FRAS1: variants seen among roughly 807,000 people sequenced by gnomAD.
FRAS1 encodes extracellular matrix organizing protein FRAS1.
In FRAS1, 290 loss-of-function variants were observed where a neutral mutation model predicts 435.2. The observed-to-expected ratio is 0.67, with a 90% confidence interval of 0.61 to 0.73. The LOEUF (loss-of-function observed/expected upper bound fraction) is 0.73. Among genes scored for constraint, FRAS1 ranks in the 30% least tolerant of loss-of-function variants. The pLI is 0.00. For missense variants in FRAS1, 4,860 were observed against 5,001.5 expected (o/e 0.97, Z 0.85); for synonymous variants, 1,800 against 1,851.0 (o/e 0.97, Z 0.71).
chr4:78,311,811 TTGAGTA>T (rs1404532358), intron 15 of FRAS1, among the ~76,000 whole-genome samples: 1 of 152,214 alleles, frequency 6.6e-6, no homozygotes. Context: ...ATTAATGAGT[TTGAGTA>T]TATCTTCAAC....
rs1173361879 is a variant in FRAS1 at position 78,496,898 on chromosome 4, T to C, written c.9052T>C (p.Trp3018Arg). ...CCTCGGCCTTCCTCTTGGAAACCAC[T>C]GGAGTGGAGCTAGAATTGGAAAGAA... is the stretch of plus-strand genomic sequence containing the variant. ...VYLGLPLGNH[W>R]SGARIGKNNM... Residue 3018 changes from tryptophan to arginine, a missense_variant, in exon 60 of 74, where the codon TGG (tryptophan) becomes CGG (arginine). Transcript: ENST00000512123. 1 of 1,613,610 alleles carries C rather than the reference T, an allele frequency of 6.2e-7. No homozygotes were observed. The highest frequency in any genetic ancestry group is 1.3e-5 in the African/African-American group (1 of 74,904).
At chr4:78,186,666 A>G (rs1057040839) in intron 2 of FRAS1, among the ~76,000 whole-genome samples, 1 of 152,220 alleles carries the variant, frequency 6.6e-6, no homozygotes, top group Admixed American at 6.5e-5. Context: ...GTATTCTTCA[A>G]TGATTTCCCA....
intron 9 of FRAS1, among the ~76,000 whole-genome samples, chr4:78,270,614 T>C (rs1726628183): frequency 6.8e-6 from 1 of 146,310 alleles, no homozygotes. Flanking sequence ...GAGTCACTTT[T>C]CAGTTTTGTC....
chr4:78,099,736 A>G (rs928740271), intron 2 of FRAS1, among the ~76,000 whole-genome samples: 2 of 152,154 alleles, frequency 1.3e-5, no homozygotes, highest in African/African-American at 2.4e-5. Context: ...GTGGAGGGGA[A>G]TTCTTGGTTT....
chr4:78,181,469 A>G (rs1266978060), intron 2 of FRAS1: 5 of 1,611,688 alleles, frequency 3.1e-6, no homozygotes, highest in Middle Eastern at 2.2e-4. Context: ...ATGCCTATCA[A>G]ATTCACGTTT....
chr4:78,064,218 TAAATA>T (rs1739886629), intron 1 of FRAS1, among the ~76,000 whole-genome samples: 2 of 150,586 alleles, frequency 1.3e-5, no homozygotes, highest in African/African-American at 2.4e-5. Context: ...AATAAATAAA[TAAATA>T]AAATAAAAAA....
At chr4:78,196,016 A>G (rs1294656667) in intron 2 of FRAS1, among the ~76,000 whole-genome samples, 4 of 144,216 alleles carry the variant, frequency 2.8e-5, no homozygotes, top group Non-Finnish European at 6.1e-5. Context: ...TTATGTTTTA[A>G]TTTTTGTTTG....
chr4:78,477,320 C>A (rs183399039), intron 54 of FRAS1, among the ~76,000 whole-genome samples: 2 of 152,244 alleles, frequency 1.3e-5, no homozygotes, highest in Admixed American at 1.3e-4. Context: ...TTAGTCCTCC[C>A]AAGAAGCGTA....
At chr4:78,429,309 C>T (rs1326855935) in intron 36 of FRAS1, 83 bp downstream of exon 36, 1 of 1,461,016 alleles carries the variant, frequency 6.8e-7, no homozygotes, top group Non-Finnish European at 9.1e-7. Flanking sequence ...TGATGGTTGC[C>T]AAAAAAGCAA....
intron 20 of FRAS1, among the ~76,000 whole-genome samples, chr4:78,359,200 A>G (rs1730978818): frequency 1.3e-5 from 2 of 152,108 alleles, no homozygotes; most frequent in African/African-American, 4.8e-5. Context: ...TTGTACCTGA[A>G]GCCTGCTCAC....
At chr4:78,178,714 C>G (rs1416762583) in intron 2 of FRAS1, among the ~76,000 whole-genome samples, 2 of 152,178 alleles carry the variant, frequency 1.3e-5, no homozygotes, top group Non-Finnish European at 2.9e-5. Context: ...TTTGCCCCTG[C>G]TCTCAGCCAG....
intron 2 of FRAS1, among the ~76,000 whole-genome samples, chr4:78,165,794 A>G (rs766433358): frequency 6.6e-6 from 1 of 152,116 alleles, no homozygotes; most frequent in Non-Finnish European, 1.5e-5. Flanking sequence ...AGAGCATTAC[A>G]TGTTTTTTAT....
At chr4:78,209,827 G>A (rs1047856884) in intron 2 of FRAS1, among the ~76,000 whole-genome samples, 7 of 152,122 alleles carry the variant, frequency 4.6e-5, no homozygotes, top group African/African-American at 7.2e-5. Context: ...CAAGTAAATC[G>A]TCAAGGAGGC....
At chr4:78,119,347 C>G (rs552918720) in intron 2 of FRAS1, among the ~76,000 whole-genome samples, 2 of 152,284 alleles carry the variant, frequency 1.3e-5, no homozygotes, top group African/African-American at 4.8e-5. Context: ...CTTCCCTTAC[C>G]CTTCCCAAGC....
At chr4:78,371,239 T>C (rs1464702520) in intron 23 of FRAS1, among the ~76,000 whole-genome samples, 1 of 152,190 alleles carries the variant, frequency 6.6e-6, no homozygotes, top group African/African-American at 2.4e-5. Flanking sequence ...CAGGACTGAT[T>C]CAGCTAAATA....
intron 24 of FRAS1, among the ~76,000 whole-genome samples, chr4:78,373,601 A>G (rs1731600873): frequency 6.6e-6 from 1 of 151,778 alleles, no homozygotes; most frequent in African/African-American, 2.4e-5. Context: ...AACATGGAGA[A>G]ACCCCATCTC....
chr4:78,152,089 G>T (rs1471259700), intron 2 of FRAS1, among the ~76,000 whole-genome samples: 2 of 152,164 alleles, frequency 1.3e-5, no homozygotes, highest in Admixed American at 1.3e-4. Flanking sequence ...GTCAGTATTT[G>T]CCTGGTTCTA....
chr4:78,200,774 T>G (rs1413883096), intron 2 of FRAS1, among the ~76,000 whole-genome samples: 5 of 149,944 alleles, frequency 3.3e-5, no homozygotes, highest in Non-Finnish European at 7.4e-5. Flanking sequence ...CATAGTTATA[T>G]TTTCATCACT....
intron 2 of FRAS1, among the ~76,000 whole-genome samples, chr4:78,069,824 A>T (rs1740246084): frequency 6.6e-6 from 1 of 151,544 alleles, no homozygotes; most frequent in South Asian, 2.1e-4. Flanking sequence ...CAGATAAGGA[A>T]GTTGAGGCTC....
Sources: allele counts gnomAD v4.1 joint callset (sites outside exome capture counted in the v4.1 genomes callset), GRCh38; gene constraint gnomAD v4.1.1; transcripts MANE v1.5; gene names NCBI Gene and HGNC (gene_info 2026-07-23, HGNC 2026-07-21).